The following CNTNAP2 variants were observed in gnomAD, a reference collection of about 807,000 sequenced individuals.
The protein encoded by CNTNAP2 is contactin associated protein 2.
Under a neutral mutation model 155.2 loss-of-function variants are expected in CNTNAP2, and 98 were observed. That is an observed-to-expected ratio of 0.63 (90% CI 0.54 to 0.75). The LOEUF is 0.75. Ranked by LOEUF, CNTNAP2 falls within the 30% of genes least tolerant of loss-of-function variation. CNTNAP2 has a pLI of 0.00. For synonymous variants in CNTNAP2, 651 were observed against 631.2 expected, an observed-to-expected ratio of 1.03 and a Z score of -0.47; for missense variants, 1,727 against 1,688.1, an observed-to-expected ratio of 1.02 and a Z score of -0.40.
chr7:147,312,503 C>G (rs547797073), intron 9 of CNTNAP2, among the ~76,000 whole-genome samples: 1 of 127,380 alleles, frequency 7.9e-6, no homozygotes, highest in Admixed American at 8.6e-5. Flanking sequence ...TGAGTGAGAA[C>G]GTGTGGTGTT....
At chr7:148,142,222 G>A (rs1009383335) in intron 16 of CNTNAP2, among the ~76,000 whole-genome samples, 2 of 151,652 alleles carry the variant, frequency 1.3e-5, no homozygotes, top group Non-Finnish European at 2.9e-5. Flanking sequence ...CCGTGTATAG[G>A]TGCAGCAGTT....
chr7:147,429,434 TG>T (rs1449698140), intron 10 of CNTNAP2, among the ~76,000 whole-genome samples: 1 of 152,112 alleles, frequency 6.6e-6, no homozygotes, highest in African/African-American at 2.4e-5. Flanking sequence ...TGAGATTATT[TG>T]TTTTTTTCTT....
intron 8 of CNTNAP2, among the ~76,000 whole-genome samples, chr7:147,296,871 G>A (rs1036933552): frequency 6.6e-6 from 1 of 152,144 alleles, no homozygotes; most frequent in African/African-American, 2.4e-5. Flanking sequence ...AGTAACTACA[G>A]TCCCTTGCAC....
At chr7:146,586,430 A>G (rs1484731192) in intron 1 of CNTNAP2, among the ~76,000 whole-genome samples, 1 of 152,172 alleles carries the variant, frequency 6.6e-6, no homozygotes, top group African/African-American at 2.4e-5. Flanking sequence ...GGTAGGAGAG[A>G]GTATAGAGCC....
chr7:146,755,271 G>T lies in CNTNAP2; in HGVS notation c.98-19000G>T, dbSNP rs138551658. On this transcript the variant is annotated intron_variant, in intron 1 of 23. Transcript: ENST00000361727. Reference sequence around the variant, plus strand: ...TCAGAGATGAATCAGACACAGTAGAGAATGTCTGCAATCTATAGGAAATTA... The same window carrying T: ...TCAGAGATGAATCAGACACAGTAGATAATGTCTGCAATCTATAGGAAATTA... Among the ~76,000 whole-genome samples, 480 of 152,112 alleles carry T rather than the reference G, an allele frequency of 3.2e-3. 5 individuals carry two copies. Among genetic ancestry groups the T allele is most frequent in the African/African-American group, 0.011 (445 of 41,548 alleles).
Position 146,151,310 on chromosome 7 carries a change from G to C in CNTNAP2, c.97+34337G>C, listed in dbSNP as rs2116775627. Among the ~76,000 whole-genome samples, 5 of 151,936 alleles carry C rather than the reference G, an allele frequency of 3.3e-5. No individual in the cohort carries two copies. In the South Asian group the frequency reaches 1.0e-3, roughly 32 times the overall value. On this transcript the variant is annotated intron_variant, in intron 1 of 23. Transcript: ENST00000361727. ...TGGTCATCATACTGTACAATACATTGTGAGTATGTGAATATAGTACTCGTA... is the reference window on the plus strand; with the variant it reads ...TGGTCATCATACTGTACAATACATTCTGAGTATGTGAATATAGTACTCGTA...
At chr7:147,717,108 T>G (rs1796490983) in intron 13 of CNTNAP2, among the ~76,000 whole-genome samples, 1 of 152,256 alleles carries the variant, frequency 6.6e-6, no homozygotes, top group South Asian at 2.1e-4. Context: ...GGCCTTTCTA[T>G]TTCTAAAGAA....
intron 14 of CNTNAP2, among the ~76,000 whole-genome samples, chr7:147,933,844 C>A (rs939134577): frequency 6.6e-6 from 1 of 152,028 alleles, no homozygotes; most frequent in Non-Finnish European, 1.5e-5. Context: ...GCCTGGGCAA[C>A]AGAGTGAGAC....
At chr7:146,416,936 A>G (rs1241931426) in intron 1 of CNTNAP2, among the ~76,000 whole-genome samples, 1 of 152,160 alleles carries the variant, frequency 6.6e-6, no homozygotes, top group East Asian at 1.9e-4. Context: ...CCCAAGCAAG[A>G]AGACTGATGA....
intron 18 of CNTNAP2, among the ~76,000 whole-genome samples, chr7:148,194,726 C>A (rs1795249303): frequency 6.6e-6 from 1 of 152,046 alleles, no homozygotes. Flanking sequence ...AGTCCCAGGG[C>A]ATGAGAAGAA....
At chr7:147,540,705 C>A (rs1799623304) in intron 11 of CNTNAP2, among the ~76,000 whole-genome samples, 1 of 152,070 alleles carries the variant, frequency 6.6e-6, no homozygotes, top group African/African-American at 2.4e-5. Context: ...GTGGCACGTG[C>A]CTGTAATCCC....
At chr7:146,129,142 T>C (rs772436408) in intron 1 of CNTNAP2, among the ~76,000 whole-genome samples, 10 of 152,202 alleles carry the variant, frequency 6.6e-5, no homozygotes, top group Non-Finnish European at 1.3e-4. Flanking sequence ...TTATATGCAA[T>C]AATCTGAGGC....
chr7:147,108,048 A>C (rs1219358567), intron 4 of CNTNAP2, 99 bp from the exon 5 acceptor site: 21 of 1,062,666 alleles, frequency 2.0e-5, no homozygotes, highest in Non-Finnish European at 2.4e-5. Flanking sequence ...CTCAAGAAAA[A>C]CACTTACTTA....
intron 20 of CNTNAP2, among the ~76,000 whole-genome samples, chr7:148,249,803 C>T (rs1585216331): frequency 6.6e-6 from 1 of 152,152 alleles, no homozygotes; most frequent in East Asian, 1.9e-4. Flanking sequence ...GCTGGTTCTA[C>T]CCTGAAAACA....
chr7:146,836,406 G>A (rs1000747591), intron 2 of CNTNAP2, among the ~76,000 whole-genome samples: 1 of 152,074 alleles, frequency 6.6e-6, no homozygotes, highest in Non-Finnish European at 1.5e-5. Flanking sequence ...TTTTAACAGA[G>A]GTAGTATGGT....
chr7:147,928,785 A>G (rs1233294745), intron 14 of CNTNAP2, among the ~76,000 whole-genome samples: 7 of 152,258 alleles, frequency 4.6e-5, no homozygotes, highest in Non-Finnish European at 8.8e-5. Flanking sequence ...TGTTCCACAG[A>G]GTTTTTTATA....
rs139900922 is a variant in CNTNAP2 at position 147,759,734 on chromosome 7, A to G, written c.2098+120428A>G. Among the ~76,000 whole-genome samples the G allele has an allele frequency of 9.2e-3, 1,408 of 152,332 alleles. 10 individuals are homozygous for G. The highest frequency in any genetic ancestry group is 0.02 in the Middle Eastern group (6 of 294). On this transcript the variant is annotated intron_variant, in intron 13 of 23. Coordinates refer to ENST00000361727, the MANE Select transcript of CNTNAP2 (RefSeq NM_014141.6). Reference sequence around the variant, plus strand: ...TTTGAGGTTTCTAAGTGATGCATGTAGGCCATCGTTTCCACAAGGAAGCCA... The same window carrying G: ...TTTGAGGTTTCTAAGTGATGCATGTGGGCCATCGTTTCCACAAGGAAGCCA...
rs1250289159 is a variant in CNTNAP2 at position 146,605,099 on chromosome 7, G to GA, written c.98-169163dup. Among the ~76,000 whole-genome samples, 18 of 138,626 alleles carry GA rather than the reference G, an allele frequency of 1.3e-4. 1 individual carries two copies. The highest frequency in any genetic ancestry group is 2.7e-4 in the African/African-American group (10 of 36,674). The allele number at this position is 138,626 out of a possible 152,430, so 90.9% of individuals were successfully genotyped here. On this transcript the variant is annotated intron_variant, in intron 1 of 23. Transcript: ENST00000361727. Reference sequence around the variant, plus strand: ...TAAAAAAAAACAACAAAAAAAAAAAGAAAAAAAAATACTGCAATATCTTCC... The same window carrying GA: ...TAAAAAAAAACAACAAAAAAAAAAAGAAAAAAAAAATACTGCAATATCTTCC...
chr7:148,221,552 C>G (rs1344902169), intron 19 of CNTNAP2, among the ~76,000 whole-genome samples: 1 of 152,022 alleles, frequency 6.6e-6, no homozygotes, highest in African/African-American at 2.4e-5. Flanking sequence ...TTTCAGACTT[C>G]AAATACAACA....
Sources: gnomAD v4.1 joint callset for allele counts (sites outside exome capture counted in the v4.1 genomes callset) on GRCh38, gnomAD v4.1.1 for gene constraint, MANE v1.5 for transcripts, NCBI Gene and HGNC (gene_info 2026-07-23, HGNC 2026-07-21) for gene names.